The following FRMD4A variants were observed in gnomAD, a reference collection of about 807,000 sequenced individuals.
The protein encoded by FRMD4A is FERM domain containing 4A.
FRMD4A carries 29 observed loss-of-function variants against 129.1 expected under a neutral mutation model. The observed-to-expected ratio is 0.22, with a 90% confidence interval of 0.17 to 0.31. The LOEUF is 0.31. Among genes scored for constraint, FRMD4A ranks in the 10% least tolerant of loss-of-function variants. FRMD4A has a pLI of 1.00. For synonymous variants in FRMD4A, 634 were observed against 571.6 expected, an observed-to-expected ratio of 1.11 and a Z score of -1.56; for missense variants, 1,272 against 1,375.8, an observed-to-expected ratio of 0.92 and a Z score of 1.19.
intron 4 of FRMD4A, among the ~76,000 whole-genome samples, chr10:13,798,502 G>A (rs547153866): frequency 6.6e-6 from 1 of 152,318 alleles, no homozygotes; most frequent in African/African-American, 2.4e-5. Flanking sequence ...AGATCACGAG[G>A]TCAGGAGATG....
intron 2 of FRMD4A, among the ~76,000 whole-genome samples, chr10:14,075,818 C>CA (rs766076680): frequency 3.0e-4 from 46 of 152,206 alleles, no homozygotes; most frequent in Non-Finnish European, 3.1e-4. Context: ...TAGGAATCAA[C>CA]AAACCACATC....
intron 2 of FRMD4A, among the ~76,000 whole-genome samples, chr10:13,884,196 TCACACACACACTCACACA>T (rs2094588542): frequency 7.3e-4 from 79 of 108,590 alleles, no homozygotes; most frequent in African/African-American, 2.5e-3. Context: ...ACACACACAC[TCACACACACACTCACACA>T]CACACACACA....
chr10:14,038,088 C>T (rs1249154213), intron 2 of FRMD4A, among the ~76,000 whole-genome samples: 1 of 152,106 alleles, frequency 6.6e-6, no homozygotes, highest in African/African-American at 2.4e-5. Context: ...TTTGGGAGGC[C>T]GAGGCGGGTG....
At chr10:13,789,383 A>G (rs1588724989) in intron 5 of FRMD4A, among the ~76,000 whole-genome samples, 2 of 152,064 alleles carry the variant, frequency 1.3e-5, no homozygotes, top group Admixed American at 1.3e-4. Flanking sequence ...TGCTTGCTTC[A>G]GTTTATTGTC....
intron 3 of FRMD4A, among the ~76,000 whole-genome samples, chr10:13,813,739 G>A (rs1450469859): frequency 6.6e-6 from 1 of 152,208 alleles, no homozygotes; most frequent in Non-Finnish European, 1.5e-5. Flanking sequence ...TCTTGTGACT[G>A]TATGGCTGAG....
intron 2 of FRMD4A, among the ~76,000 whole-genome samples, chr10:13,992,291 G>C (rs1306725786): frequency 6.6e-6 from 1 of 152,190 alleles, no homozygotes; most frequent in Non-Finnish European, 1.5e-5. Context: ...CTTTAAATTG[G>C]TTTCTTCTCC....
intron 13 of FRMD4A, 104 bp from the exon 14 acceptor site, chr10:13,701,582 G>T: frequency 9.8e-7 from 1 of 1,019,060 alleles, no homozygotes. Flanking sequence ...AGAAGCCCTG[G>T]CGTAAAGATG....
chr10:13,689,198 CGGGGGGGG>C (rs61670615), intron 15 of FRMD4A, among the ~76,000 whole-genome samples: 33 of 68,070 alleles, frequency 4.8e-4, no homozygotes, highest in African/African-American at 1.4e-3. Context: ...AAACTCTTTG[CGGGGGGGG>C]GGGGGGGGGG....
intron 13 of FRMD4A, among the ~76,000 whole-genome samples, chr10:13,704,369 G>A (rs2087188267): frequency 6.6e-6 from 1 of 152,184 alleles, no homozygotes; most frequent in Non-Finnish European, 1.5e-5. Flanking sequence ...CTCAGAGCGA[G>A]TTTGCCTGGG....
chr10:14,322,514 G>T (rs145261652), intron 2 of FRMD4A, among the ~76,000 whole-genome samples: 1 of 152,206 alleles, frequency 6.6e-6, no homozygotes, highest in East Asian at 1.9e-4. Context: ...AGCCATTAGC[G>T]TACAGATGAC....
chr10:13,735,693 C>T (rs779096970), intron 12 of FRMD4A, among the ~76,000 whole-genome samples: 25 of 152,346 alleles, frequency 1.6e-4, no homozygotes, highest in Non-Finnish European at 3.2e-4. Context: ...ATTTCAACTG[C>T]TGGATTTTAA....
chr10:14,307,555 G>A (rs547192210), intron 2 of FRMD4A, among the ~76,000 whole-genome samples: 76 of 152,272 alleles, frequency 5.0e-4, no homozygotes, highest in African/African-American at 1.7e-3. Flanking sequence ...TTTGATTGGA[G>A]CATCTCTCTC....
chr10:13,925,188 A>C (rs527605091), intron 2 of FRMD4A, among the ~76,000 whole-genome samples: 1 of 152,162 alleles, frequency 6.6e-6, no homozygotes, highest in African/African-American at 2.4e-5. Flanking sequence ...CAAGGAAGAG[A>C]TATCACAGGG....
intron 2 of FRMD4A, among the ~76,000 whole-genome samples, chr10:14,213,908 G>C (rs1019507608): frequency 2.0e-5 from 3 of 152,124 alleles, no homozygotes; most frequent in Non-Finnish European, 4.4e-5. Context: ...CTTTCACTTG[G>C]GTTTCGTTCT....
At chr10:14,263,411 G>A (rs1324124209) in intron 2 of FRMD4A, among the ~76,000 whole-genome samples, 4 of 152,312 alleles carry the variant, frequency 2.6e-5, no homozygotes, top group Admixed American at 6.5e-5. Context: ...AATTTCCGTC[G>A]TCTTCCTTTG....
chr10:13,704,040 A>T lies in FRMD4A; in HGVS notation c.837-2562T>A, dbSNP rs187081549. On this transcript the variant is annotated intron_variant, in intron 13 of 24. Coordinates refer to ENST00000357447, the MANE Select transcript of FRMD4A (RefSeq NM_018027.5). ...CAAACAAACAAACAAAAAAACACTC[A>T]AGGCCATGGATACCCCACGTACCCT... Among the ~76,000 whole-genome samples the T allele has an allele frequency of 2.5e-3, 373 of 152,152 alleles. 5 individuals carry two copies. The highest frequency in any genetic ancestry group is 0.023 in the Admixed American group (348 of 15,268).
rs185440235 is a variant in FRMD4A at position 13,937,758 on chromosome 10, G to A, written c.46-78846C>T. ...ATCTCTAAATCCATTTCCAGTGAGA[G>A]GGATGGAAGAACAGTTAGTACCACG... On this transcript the variant is annotated intron_variant, in intron 2 of 24. Transcript: ENST00000357447. Among the ~76,000 whole-genome samples the A allele has an allele frequency of 1.5e-3, 222 of 152,328 alleles. 1 individual carries two copies. The highest frequency in any genetic ancestry group is 5.1e-3 in the African/African-American group (213 of 41,572).
intron 2 of FRMD4A, among the ~76,000 whole-genome samples, chr10:14,307,206 G>T (rs1397165725): frequency 1.3e-5 from 2 of 152,236 alleles, no homozygotes. Flanking sequence ...ATATGCATTC[G>T]CAAAGCTACT....
intron 2 of FRMD4A, among the ~76,000 whole-genome samples, chr10:14,028,585 C>T (rs1452153753): frequency 1.3e-5 from 2 of 151,970 alleles, no homozygotes; most frequent in Non-Finnish European, 2.9e-5. Context: ...ACATTTTGTC[C>T]AAATTTAATT....
Sources: allele counts gnomAD v4.1 joint callset (sites outside exome capture counted in the v4.1 genomes callset), GRCh38; gene constraint gnomAD v4.1.1; transcripts MANE v1.5; gene names NCBI Gene and HGNC (gene_info 2026-07-23, HGNC 2026-07-21).